Variants in AURKA observed in about 807,000 individuals in gnomAD.
AURKA encodes aurora 2.
AURKA carries 12 observed loss-of-function variants against 40.9 expected under a neutral mutation model. That is an observed-to-expected ratio of 0.29 (90% CI 0.19 to 0.48). The LOEUF (loss-of-function observed/expected upper bound fraction) is 0.48. Among genes scored for constraint, AURKA ranks in the 20% least tolerant of loss-of-function variants. AURKA has a pLI of 0.99. For synonymous variants in AURKA, 170 were observed against 164.3 expected (o/e 1.03, Z -0.26); for missense variants, 322 against 462.1 (o/e 0.70, Z 2.78).
Position 56,370,239 on chromosome 20 carries a change from T to C in AURKA, c.1131A>G (p.Val377=), listed in dbSNP as rs1350189475. 3 of 1,614,182 alleles carry C rather than the reference T, an allele frequency of 1.9e-6. No individual in the cohort carries two copies. The highest frequency in any genetic ancestry group is 2.5e-6 in the Non-Finnish European group (3 of 1,180,034). Residue 377 remains valine (V), a synonymous_variant, in exon 9 of 9, where the codon GTA becomes GTG. Transcript: ENST00000395915. ...NPSQRPMLRE[V]LEHPWITANS... ...TTGCTGTGATCCAGGGGTGTTCAAGTACTTCTCTGAGCATTGGCCTCTGGC... is the reference window on the plus strand; with the variant it reads ...TTGCTGTGATCCAGGGGTGTTCAAGCACTTCTCTGAGCATTGGCCTCTGGC...
At chr20:56,378,129 G>A (rs1056750832) in intron 6 of AURKA, among the ~76,000 whole-genome samples, 2 of 152,128 alleles carry the variant, frequency 1.3e-5, no homozygotes, top group Admixed American at 1.3e-4. Flanking sequence ...TTGCACTCCA[G>A]TCTGGGCGAC....
At chr20:56,381,028 G>A (rs961544826) in intron 6 of AURKA, among the ~76,000 whole-genome samples, 1 of 151,988 alleles carries the variant, frequency 6.6e-6, no homozygotes, top group Non-Finnish European at 1.5e-5. Flanking sequence ...TGCACCTGTA[G>A]TCCCAGCTAC....
chr20:56,388,401 C>T (rs761385242), intron 1 of AURKA, 199 bp from the exon 2 acceptor site: 30 of 609,884 alleles, frequency 4.9e-5, no homozygotes, highest in Non-Finnish European at 7.6e-5. Flanking sequence ...TTGGGCACTG[C>T]GTCCCATCCT....
At chr20:56,381,114 A>G (rs954239089) in intron 6 of AURKA, among the ~76,000 whole-genome samples, 1 of 152,140 alleles carries the variant, frequency 6.6e-6, no homozygotes, top group Non-Finnish European at 1.5e-5. Context: ...TAAAAAAAAT[A>G]AAATAAAATA....
chr20:56,382,283 G>A (rs1985817468), intron 5 of AURKA, among the ~76,000 whole-genome samples: 1 of 152,200 alleles, frequency 6.6e-6, no homozygotes, highest in Admixed American at 6.5e-5. Flanking sequence ...AGCAGACTGG[G>A]CAGGTGCAGA....
chr20:56,382,378 CAG>C (rs1190179743), intron 5 of AURKA, among the ~76,000 whole-genome samples: 1 of 152,076 alleles, frequency 6.6e-6, no homozygotes, highest in Non-Finnish European at 1.5e-5. Context: ...TGTTGCCAGG[CAG>C]AGACACACCA....
intron 5 of AURKA, among the ~76,000 whole-genome samples, chr20:56,381,849 G>A (rs1985748043): frequency 1.3e-5 from 2 of 152,034 alleles, no homozygotes; most frequent in Non-Finnish European, 2.9e-5. Flanking sequence ...AAATTCAGCT[G>A]AATATTAATT....
chr20:56,385,825 C>A (rs1321900060), intron 3 of AURKA, among the ~76,000 whole-genome samples: 1 of 152,118 alleles, frequency 6.6e-6, no homozygotes, highest in Non-Finnish European at 1.5e-5. Context: ...CAGTAGCTTC[C>A]AAATGCCCTA....
At chr20:56,380,907 G>A (rs1985625776) in intron 6 of AURKA, among the ~76,000 whole-genome samples, 2 of 152,126 alleles carry the variant, frequency 1.3e-5, no homozygotes. Context: ...ATTAATGCAA[G>A]ATGTTAGTAG....
Position 56,377,471 on chromosome 20 carries a change from C to T in AURKA, c.706-3915G>A, listed in dbSNP as rs536990863. ...TTCAACAGGTGCCTCAAAGACGATA[C>T]ACAGATGGCAAATAAACACATAAAA... is the stretch of plus-strand genomic sequence containing the variant. On this transcript the variant is annotated intron_variant, in intron 6 of 8. Coordinates refer to ENST00000395915, the MANE Select transcript of AURKA (RefSeq NM_198437.3). 4.3e-4 allele frequency among the ~76,000 whole-genome samples: 65 copies of T among 151,640 alleles called. 1 individual carries two copies. The South Asian group carries it at 0.013, about 31-fold the overall frequency.
At position 56,389,164 on chromosome 20, in the gene AURKA, T is replaced by G. The variant is rs78099408; in HGVS notation, c.-5-962A>C. 6.6e-3 allele frequency among the ~76,000 whole-genome samples: 1,001 copies of G among 152,308 alleles called. 10 individuals carry two copies. Among genetic ancestry groups the G allele is most frequent in the African/African-American group, 0.023 (950 of 41,562 alleles). On this transcript the variant is annotated intron_variant, in intron 1 of 8. Coordinates refer to ENST00000395915, the MANE Select transcript of AURKA (RefSeq NM_198437.3). ...TCTTTCCCTCCTTGCTGGGTCAGTC[T>G]CATTTTTGCCAGATCAAGGGTCTGG... is the stretch of plus-strand genomic sequence containing the variant.
At chr20:56,385,169 C>T (rs925119974) in intron 3 of AURKA, among the ~76,000 whole-genome samples, 1 of 152,210 alleles carries the variant, frequency 6.6e-6, no homozygotes, top group East Asian at 1.9e-4. Flanking sequence ...TCCATCCTGG[C>T]TTGTCTTTGG....
intron 6 of AURKA, among the ~76,000 whole-genome samples, chr20:56,380,736 C>T (rs1330011601): frequency 6.6e-6 from 1 of 152,168 alleles, no homozygotes; most frequent in Non-Finnish European, 1.5e-5. Context: ...AGTTTACATC[C>T]CTGGTATGTG....
rs143734008 is a variant in AURKA at position 56,377,819 on chromosome 20, A to C, written c.705+3614T>G. ...AAAGAGACGTTCAACATCAAATGTC[A>C]TTAGGAAACTAGAAATCAAAACAAT... is the stretch of plus-strand genomic sequence containing the variant. On this transcript the variant is annotated intron_variant, in intron 6 of 8. Transcript: ENST00000395915. Among the ~76,000 whole-genome samples, 480 of 152,288 alleles carry C rather than the reference A, an allele frequency of 3.2e-3. 4 individuals are homozygous for C. Among genetic ancestry groups the C allele is most frequent in the African/African-American group, 0.011 (447 of 41,566 alleles).
At position 56,386,837 on chromosome 20, in the gene AURKA, A is replaced by C. The variant is rs561311414; in HGVS notation, c.43-304T>G. On this transcript the variant is annotated intron_variant, in intron 2 of 8. Transcript: ENST00000395915. ...TCTCAATAATTTGGAAATAGACACT[A>C]CATTGCTATTTGGCAAAAAGCTATG... 6.6e-5 allele frequency among the ~76,000 whole-genome samples: 10 copies of C among 152,330 alleles called. No homozygotes were observed. In the South Asian group the frequency reaches 1.9e-3, roughly 28 times the overall value.
chr20:56,374,923 C>CT (rs1984726116), intron 6 of AURKA, among the ~76,000 whole-genome samples: 1 of 152,052 alleles, frequency 6.6e-6, no homozygotes, highest in African/African-American at 2.4e-5. Context: ...TGGTGCATGC[C>CT]TATAATCGCA....
chr20:56,371,103 G>C (rs573106221), intron 7 of AURKA, among the ~76,000 whole-genome samples: 155 of 152,290 alleles, frequency 1.0e-3, no homozygotes, highest in African/African-American at 3.7e-3. Context: ...ATGCTGCCTT[G>C]TGATAGATAC....
rs2146117309 is a variant in AURKA at position 56,370,097 on chromosome 20, G to T, written c.*61C>A. ...GTCAATGGTAAAATAAACTTCAGTAGCATGTTCCTGTCAGGTTATATGGCA... is the reference window on the plus strand; with the variant it reads ...GTCAATGGTAAAATAAACTTCAGTATCATGTTCCTGTCAGGTTATATGGCA... On this transcript the variant is annotated 3_prime_UTR_variant, in exon 9 of 9. Coordinates refer to ENST00000395915, the MANE Select transcript of AURKA (RefSeq NM_198437.3). The T allele has an allele frequency of 1.9e-6, 3 of 1,582,318 alleles. No individual in the cohort carries two copies. The highest frequency in any genetic ancestry group is 2.6e-6 in the Non-Finnish European group (3 of 1,153,078).
chr20:56,378,647 G>A (rs771424828), intron 6 of AURKA, among the ~76,000 whole-genome samples: 7 of 152,278 alleles, frequency 4.6e-5, no homozygotes, highest in Middle Eastern at 6.8e-3. Flanking sequence ...TTCAGTAGAC[G>A]AATAAACTGA....
Sources: gnomAD v4.1 joint callset for allele counts (sites outside exome capture counted in the v4.1 genomes callset) on GRCh38, gnomAD v4.1.1 for gene constraint, MANE v1.5 for transcripts, NCBI Gene and HGNC (gene_info 2026-07-23, HGNC 2026-07-21) for gene names.